CCDC27: variants seen among roughly 807,000 people sequenced by gnomAD.
The protein encoded by CCDC27 is coiled-coil domain-containing protein 27.
CCDC27 carries 80 observed loss-of-function variants against 80.3 expected under a neutral mutation model. The ratio of observed to expected loss-of-function variants is 1.00; its 90% CI spans 0.83 to 1.20. The LOEUF is 1.20. CCDC27 is among the 50% of genes most tolerant of loss of function. The pLI is 0.00. For missense variants in CCDC27, 815 were observed against 809.4 expected, an observed-to-expected ratio of 1.01 and a Z score of -0.08; for synonymous variants, 342 against 334.3, an observed-to-expected ratio of 1.02 and a Z score of -0.25.
intron 8 of CCDC27, among the ~76,000 whole-genome samples, chr1:3,765,232 G>T (rs996440962): frequency 6.6e-6 from 1 of 152,122 alleles, no homozygotes. Context: ...AGTCGTTCAT[G>T]GTTCCTTCTG....
rs754991330 is a variant in CCDC27 at position 3,763,833 on chromosome 1, C to T, written c.1449C>T (p.Asp483=). Residue 483 remains aspartate (D), a synonymous_variant, in exon 8 of 12, where the codon GAC becomes GAT. Transcript: ENST00000294600. The surrounding 1 kb of genome is among the most constrained non-coding windows in gnomAD (Gnocchi z 7.5). ...ERRQQLQAMT[D]KFSNLREDKK... is the part of the protein sequence containing the mutation. ...GGCAGCAGCTACAAGCCATGACCGA[C>T]AAGGTGGCCGTGCGCTCAGTACCGG... 4 of 1,613,976 alleles carry T rather than the reference C, an allele frequency of 2.5e-6. No homozygotes were observed. The East Asian group carries it at 8.9e-5, about 36-fold the overall frequency.
chr1:3,763,951 G>A lies in CCDC27; in HGVS notation c.1452+115G>A. 1 of 1,456,658 alleles carries A rather than the reference G, an allele frequency of 6.9e-7. No homozygotes were observed. The highest frequency in any genetic ancestry group is 9.1e-7 in the Non-Finnish European group (1 of 1,096,294). 90.2% of individuals were successfully genotyped at this position (1,456,658 alleles called of 1,614,324 possible). On this transcript the variant is annotated intron_variant, in intron 8 of 11. Coordinates refer to ENST00000294600, the MANE Select transcript of CCDC27 (RefSeq NM_152492.3). The surrounding 1 kb of genome is among the most constrained non-coding windows in gnomAD (Gnocchi z 7.5). Reference sequence around the variant, plus strand: ...TCCCATCTACTGATGGAGACTTTGAGCCTGGGGTGTCCAGGCAGCTGGCCC... The same window carrying A: ...TCCCATCTACTGATGGAGACTTTGAACCTGGGGTGTCCAGGCAGCTGGCCC...
rs115148292 is a variant in CCDC27 at position 3,763,900 on chromosome 1, C to T, written c.1452+64C>T. 16,827 of 1,579,756 alleles carry T rather than the reference C, an allele frequency of 0.011. 122 individuals are homozygous for T. The highest frequency in any genetic ancestry group is 0.013 in the Non-Finnish European group (14,620 of 1,160,158). On this transcript the variant is annotated intron_variant, in intron 8 of 11. Coordinates refer to ENST00000294600, the MANE Select transcript of CCDC27 (RefSeq NM_152492.3). The surrounding 1 kb of genome is among the most constrained non-coding windows in gnomAD (Gnocchi z 7.5). ...ATGGGCCCCAGGCTTCATTAACCCC[C>T]GGCAGCTCGGGGCAGGCGCTGCCCG...
chr1:3,770,948 GGAAGA>G (rs1317552319), intron 11 of CCDC27, among the ~76,000 whole-genome samples: 1 of 152,162 alleles, frequency 6.6e-6, no homozygotes, highest in Non-Finnish European at 1.5e-5. Flanking sequence ...AGAGGAGAAT[GGAAGA>G]GAGGTGGGGA....
rs996299158 is a variant in CCDC27, at chr1:3,761,666, GATGA to G, written c.861+240_861+243del. On this transcript the variant is annotated intron_variant, in intron 5 of 11. Transcript: ENST00000294600. This position sits in a 1 kb window ranked among gnomAD's most constrained non-coding sequence, Gnocchi z 5.0. Reference sequence around the variant, plus strand: ...GAGCTGATGCAACAGGGGGGGGAGAGATGAATGGAGGCGCAAAATGACAAATGAG... The same window carrying G: ...GAGCTGATGCAACAGGGGGGGGAGAGATGGAGGCGCAAAATGACAAATGAG... 1.3e-5 allele frequency among the ~76,000 whole-genome samples: 2 copies of G among 152,074 alleles called. No individual in the cohort carries two copies. The highest frequency in any genetic ancestry group is 4.8e-5 in the African/African-American group (2 of 41,422).
At position 3,763,550 on chromosome 1, in the gene CCDC27, T is replaced by A. The variant is rs1371904141; in HGVS notation, c.1321+76T>A. On this transcript the variant is annotated intron_variant, in intron 7 of 11. Transcript: ENST00000294600. This position sits in a 1 kb window ranked among gnomAD's most constrained non-coding sequence, Gnocchi z 7.5. ...CCCAGGAGCTGGGACGCCCAGACGC[T>A]GCCTGCTCTGGTCAGTGAGCTGGAG... 1 of 1,548,354 alleles carries A rather than the reference T, an allele frequency of 6.5e-7. No homozygotes were observed. Among genetic ancestry groups the A allele is most frequent in the African/African-American group, 1.4e-5 (1 of 73,322 alleles).
rs578111612 is a variant in CCDC27, at chr1:3,762,053, G to A, written c.862-567G>A. On this transcript the variant is annotated intron_variant, in intron 5 of 11. Coordinates refer to ENST00000294600, the MANE Select transcript of CCDC27 (RefSeq NM_152492.3). The stretch of plus-strand genomic sequence containing the variant: ...TAGGTGTGGGCAGAGGACTGGACGA[G>A]GCAGGTCTGTGTTGTGCCCAGGGGC... Among the ~76,000 whole-genome samples, 39 of 152,278 alleles carry A rather than the reference G, an allele frequency of 2.6e-4. 1 individual carries two copies. The South Asian group carries it at 7.9e-3, about 31-fold the overall frequency.
intron 6 of CCDC27, 103 bp downstream of exon 6, chr1:3,762,815 G>C: frequency 2.6e-6 from 3 of 1,148,942 alleles, no homozygotes; most frequent in Non-Finnish European, 3.7e-6. Context: ...CCCTGCTGCA[G>C]CCCTGACCTG....
At position 3,763,762 on chromosome 1, in the gene CCDC27, A is replaced by G. The variant is rs1258472315; in HGVS notation, c.1378A>G (p.Ile460Val). ...TTTCCAAGAAACCCAGCTGCGAAAG[A>G]TCAATACGGAAAATGAGACGCTGCA... is the stretch of plus-strand genomic sequence containing the variant. ...VDFQETQLRKINTENETLQKE... is the reference protein window; with the variant it reads ...VDFQETQLRKVNTENETLQKE... Residue 460 changes from isoleucine to valine, a missense_variant, in exon 8 of 12, where the codon ATC becomes GTC. By Grantham distance (29) the Ile-to-Val change is conservative. Transcript: ENST00000294600. This position sits in a 1 kb window ranked among gnomAD's most constrained non-coding sequence, Gnocchi z 7.5. The G allele has an allele frequency of 6.2e-7, 1 of 1,614,140 alleles. No homozygotes were observed. Among genetic ancestry groups the G allele is most frequent in the Non-Finnish European group, 8.5e-7 (1 of 1,179,988 alleles).
chr1:3,767,302 A>C lies in CCDC27; in HGVS notation c.1600A>C (p.Ser534Arg). 1 of 1,614,080 alleles carries C rather than the reference A, an allele frequency of 6.2e-7. No individual in the cohort carries two copies. Among genetic ancestry groups the C allele is most frequent in the Non-Finnish European group, 8.5e-7 (1 of 1,180,020 alleles). The change falls in exon 10 of 12, where the codon AGC becomes CGC. Residue 534 changes from serine (S) to arginine (R), a missense_variant. Ser to Arg is a moderately radical substitution (Grantham distance 110). Coordinates refer to ENST00000294600, the MANE Select transcript of CCDC27 (RefSeq NM_152492.3). ...CVISELDTKV[S>R]QLQEQVELDQ... ...CATCTCAGAGTTGGACACCAAGGTCAGCCAGCTGCAGGAGCAGGTGGAACT... is the reference window on the plus strand; with the variant it reads ...CATCTCAGAGTTGGACACCAAGGTCCGCCAGCTGCAGGAGCAGGTGGAACT...
rs775884287 is a variant in CCDC27, at chr1:3,763,722, A to T, written c.1338A>T (p.Leu446Phe). Reference sequence around the variant, plus strand: ...TGTGCCCAGGAGTGATTGCGTCTTTACAACAACAAGTGGATTTCCAAGAAA... The same window carrying T: ...TGTGCCCAGGAGTGATTGCGTCTTTTCAACAACAAGTGGATTTCCAAGAAA... ...YSLATGVIAS[L>F]QQQVDFQETQ... is the part of the protein sequence containing the mutation. Residue 446 changes from leucine (L) to phenylalanine (F), a missense_variant, in exon 8 of 12, where the codon TTA (leucine) becomes TTT (phenylalanine). Transcript: ENST00000294600. This position sits in a 1 kb window ranked among gnomAD's most constrained non-coding sequence, Gnocchi z 7.5. The T allele has an allele frequency of 2.5e-6, 4 of 1,613,634 alleles. No homozygotes were observed. The highest frequency in any genetic ancestry group is 3.4e-6 in the Non-Finnish European group (4 of 1,179,746).
In CCDC27 at chr1:3,763,482, C is replaced by A; in HGVS notation, c.1321+8C>A. On this transcript the variant is annotated splice_region_variant and intron_variant, in intron 7 of 11. Coordinates refer to ENST00000294600, the MANE Select transcript of CCDC27 (RefSeq NM_152492.3). This position sits in a 1 kb window ranked among gnomAD's most constrained non-coding sequence, Gnocchi z 7.5. ...GATACTCCCTTGCAACAGGTAGGGCCTCGGCGGGGGGCACTGGGCTTTGGC... is the reference window on the plus strand; with the variant it reads ...GATACTCCCTTGCAACAGGTAGGGCATCGGCGGGGGGCACTGGGCTTTGGC... The A allele has an allele frequency of 6.3e-7, 1 of 1,582,338 alleles. No individual in the cohort carries two copies. Among genetic ancestry groups the A allele is most frequent in the Non-Finnish European group, 8.6e-7 (1 of 1,164,314 alleles).
At chr1:3,770,007 T>G (rs1643322819) in intron 11 of CCDC27, 120 bp downstream of exon 11, 2 of 732,184 alleles carry the variant, frequency 2.7e-6, no homozygotes, top group South Asian at 3.0e-5. Flanking sequence ...CTGTGTCACC[T>G]ATTCACTTGG....
rs1643064403 is a variant in CCDC27 at position 3,760,717 on chromosome 1, T to C, written c.712-564T>C. ...AATATTCTGTTGGGATCATTTTCCT[T>C]CCACCTGAAGAACTCCCTTTAGTAT... On this transcript the variant is annotated intron_variant, in intron 4 of 11. Transcript: ENST00000294600. This position sits in a 1 kb window ranked among gnomAD's most constrained non-coding sequence, Gnocchi z 4.3. Among the ~76,000 whole-genome samples, 3 of 152,228 alleles carry C rather than the reference T, an allele frequency of 2.0e-5. No individual in the cohort carries two copies. The highest frequency in any genetic ancestry group is 4.4e-5 in the Non-Finnish European group (3 of 68,048).
At chr1:3,755,317 C>T (rs1330336862) in intron 2 of CCDC27, 140 bp from the exon 3 acceptor site, 2 of 712,898 alleles carry the variant, frequency 2.8e-6, no homozygotes, top group Non-Finnish European at 5.0e-6. Flanking sequence ...TGGTTCAGCC[C>T]TTGCTCAGTC....
In CCDC27 at chr1:3,769,161, G is replaced by A. The variant is rs72637098; in HGVS notation, c.1744-622G>A. Among the ~76,000 whole-genome samples, 1,304 of 152,224 alleles carry A rather than the reference G, an allele frequency of 8.6e-3. 6 individuals carry two copies. The highest frequency in any genetic ancestry group is 0.014 in the Non-Finnish European group (920 of 68,000). On this transcript the variant is annotated intron_variant, in intron 10 of 11. Coordinates refer to ENST00000294600, the MANE Select transcript of CCDC27 (RefSeq NM_152492.3). This position sits in a 1 kb window ranked among gnomAD's most constrained non-coding sequence, Gnocchi z 4.6. ...GGTGCAGATTGGAGGGGTTTCCTCT[G>A]CAGCTTCCTGGGAGGCACGATTAGC...
At chr1:3,755,354 T>A in intron 2 of CCDC27, 103 bp from the exon 3 acceptor site, 2 of 973,528 alleles carry the variant, frequency 2.1e-6, no homozygotes, top group Non-Finnish European at 1.6e-6. Flanking sequence ...AAAAGCCACC[T>A]GTGTCCCTAC....
rs369009687 is a variant in CCDC27 at position 3,763,986 on chromosome 1, C to T, written c.1452+150C>T. 796 of 1,304,974 alleles carry T rather than the reference C, an allele frequency of 6.1e-4. 7 individuals are homozygous for T. In the South Asian group the frequency reaches 6.2e-3, roughly 10 times the overall value. The allele number at this position is 1,304,974 out of a possible 1,614,324, so 80.8% of individuals were successfully genotyped here. A position where few individuals can be genotyped will look rare whatever the true frequency, so the allele number is the denominator to read the frequency against. On this transcript the variant is annotated intron_variant, in intron 8 of 11. Coordinates refer to ENST00000294600, the MANE Select transcript of CCDC27 (RefSeq NM_152492.3). This position sits in a 1 kb window ranked among gnomAD's most constrained non-coding sequence, Gnocchi z 7.5. ...TCCAGGCAGCTGGCCCAGGGTTGTG[C>T]GGCTGATAGCGGCCCCGCTAGGATT...
At chr1:3,754,590 T>C (rs1423763449) in intron 2 of CCDC27, among the ~76,000 whole-genome samples, 1 of 152,134 alleles carries the variant, frequency 6.6e-6, no homozygotes, top group Non-Finnish European at 1.5e-5. Flanking sequence ...TAAAGCCAGA[T>C]AGCTCATTAG....
Sources: gnomAD v4.1 joint callset for allele counts (sites outside exome capture counted in the v4.1 genomes callset) on GRCh38, gnomAD v4.1.1 for gene constraint, Gnocchi (gnomAD v3.1) non-coding constraint, MANE v1.5 for transcripts, NCBI Gene and HGNC (gene_info 2026-07-23, HGNC 2026-07-21) for gene names.